Variants in HYCC2 observed in about 807,000 individuals in gnomAD.
The protein encoded by HYCC2 is hyccin 2.
chr2:200,993,900 G>T, the HYCC2 span, among the ~76,000 whole-genome samples: 7 of 151,940 alleles, frequency 4.6e-5, no homozygotes, highest in African/African-American at 1.7e-4. Context: ...AACCTGGGAA[G>T]TGGAGCTTGC....
the HYCC2 span, among the ~76,000 whole-genome samples, chr2:201,069,572 AC>A: frequency 3.4e-5 from 5 of 147,748 alleles, no homozygotes; most frequent in African/African-American, 1.2e-4. Flanking sequence ...ACACACACAC[AC>A]ACACACACAC....
chr2:201,010,991 A>G, the HYCC2 span, among the ~76,000 whole-genome samples: 3 of 151,906 alleles, frequency 2.0e-5, no homozygotes, highest in Non-Finnish European at 4.4e-5. Context: ...CTAAAAATAA[A>G]AAAATTAGCC....
At chr2:201,070,891 A>G in the HYCC2 span, among the ~76,000 whole-genome samples, 3 of 152,156 alleles carry the variant, frequency 2.0e-5, no homozygotes, top group African/African-American at 7.2e-5. Flanking sequence ...ACAAAACATG[A>G]ACCTGGCCAC....
the HYCC2 span, among the ~76,000 whole-genome samples, chr2:200,991,497 A>C: frequency 6.6e-6 from 1 of 151,470 alleles, no homozygotes; most frequent in African/African-American, 2.4e-5. Context: ...TGAACCCAGG[A>C]GGCGGAGGTT....
the HYCC2 span, among the ~76,000 whole-genome samples, chr2:201,032,637 C>A: frequency 4.6e-5 from 7 of 152,098 alleles, no homozygotes; most frequent in South Asian, 1.4e-3. Context: ...ATTATCTTTT[C>A]TAACTAGTTA....
the HYCC2 span, among the ~76,000 whole-genome samples, chr2:201,057,830 G>A: frequency 6.6e-6 from 1 of 152,288 alleles, no homozygotes; most frequent in African/African-American, 2.4e-5. Flanking sequence ...GGAACTCCCA[G>A]TAGGCAAAAC....
At chr2:201,021,501 T>A in the HYCC2 span, 1 of 153,364 alleles carries the variant, frequency 6.5e-6, no homozygotes, top group African/African-American at 2.4e-5. Context: ...AACAAAAAAA[T>A]AGGAAAGGGA....
chr2:201,065,793 T>C, the HYCC2 span, among the ~76,000 whole-genome samples: 6 of 152,172 alleles, frequency 3.9e-5, no homozygotes, highest in Admixed American at 3.9e-4. Flanking sequence ...CATCTTCATC[T>C]AGCAGGCAAT....
chr2:201,033,611 A>G, the HYCC2 span, among the ~76,000 whole-genome samples: 14 of 151,724 alleles, frequency 9.2e-5, no homozygotes, highest in Non-Finnish European at 1.9e-4. Context: ...TCACCATGTT[A>G]GCCGGTATGG....
At chr2:201,040,708 C>G in the HYCC2 span, among the ~76,000 whole-genome samples, 1 of 152,076 alleles carries the variant, frequency 6.6e-6, no homozygotes. Flanking sequence ...TGGTCTCGGA[C>G]TCCTGACCTC....
At chr2:201,030,874 C>T in the HYCC2 span, among the ~76,000 whole-genome samples, 1 of 152,250 alleles carries the variant, frequency 6.6e-6, no homozygotes, top group South Asian at 2.1e-4. Context: ...CCACTGCGCC[C>T]AGCTTATCTC....
chr2:201,020,676 C>T, the HYCC2 span, among the ~76,000 whole-genome samples: 1 of 152,136 alleles, frequency 6.6e-6, no homozygotes, highest in Non-Finnish European at 1.5e-5. Flanking sequence ...GCTTTTCATA[C>T]AACCTGAGAT....
chr2:201,024,420 T>TA, the HYCC2 span, among the ~76,000 whole-genome samples: 1 of 152,068 alleles, frequency 6.6e-6, no homozygotes, highest in Non-Finnish European at 1.5e-5. Flanking sequence ...CCACCGGAGA[T>TA]AGAGGCTGCA....
the HYCC2 span, among the ~76,000 whole-genome samples, chr2:201,001,392 CAG>C: frequency 6.6e-6 from 1 of 152,064 alleles, no homozygotes; most frequent in Non-Finnish European, 1.5e-5. Flanking sequence ...CTAAAGAGAG[CAG>C]AGTTATTCAT....
At chr2:201,047,445 C>CATATATATATATATATAT in the HYCC2 span, among the ~76,000 whole-genome samples, 692 of 139,510 alleles carry the variant, frequency 5.0e-3, 6 homozygotes, top group African/African-American at 0.011. Flanking sequence ...TCACAGTTCT[C>CATATATATATATATATAT]ATATATATAT....
At chr2:201,063,252 C>T in the HYCC2 span, 40 of 1,589,982 alleles carry the variant, frequency 2.5e-5, no homozygotes, top group Middle Eastern at 1.6e-3. Flanking sequence ...AAGTGCTCCA[C>T]GGGCTTTGGG....
At chr2:201,003,703 C>T in the HYCC2 span, among the ~76,000 whole-genome samples, 1 of 146,180 alleles carries the variant, frequency 6.8e-6, no homozygotes, top group Non-Finnish European at 1.5e-5. Context: ...AGCGAGACTC[C>T]ATCTTAAAAA....
chr2:201,015,616 A>G, the HYCC2 span, among the ~76,000 whole-genome samples: 5 of 152,102 alleles, frequency 3.3e-5, no homozygotes, highest in Admixed American at 1.3e-4. Context: ...CATAAGATTC[A>G]TTTTCCTAAT....
At chr2:201,023,884 C>A in the HYCC2 span, 1 of 1,110,006 alleles carries the variant, frequency 9.0e-7, no homozygotes, top group South Asian at 1.3e-5. Flanking sequence ...AATGTTTCTC[C>A]ATAGAGCACA....
Sources: gnomAD v4.1 joint callset for allele counts (sites outside exome capture counted in the v4.1 genomes callset) on GRCh38, gnomAD v4.1.1 for gene constraint, MANE v1.5 for transcripts, NCBI Gene and HGNC (gene_info 2026-07-23, HGNC 2026-07-21) for gene names.